Variants in GAREM1 observed in about 807,000 individuals in gnomAD.
The protein encoded by GAREM1 is GRB2-associated and regulator of MAPK protein 1.
A neutral mutation model predicts 71.3 loss-of-function variants in GAREM1; 26 were observed. That is an observed-to-expected ratio of 0.36 (90% CI 0.27 to 0.51). GAREM1 has a LOEUF of 0.51. Among genes scored for constraint, GAREM1 ranks in the 20% least tolerant of loss-of-function variants. The probability of loss-of-function intolerance (pLI) is 0.95; values close to 1 mark genes in which losing one functional copy is unlikely to be tolerated. For missense variants in GAREM1, 1,026 were observed against 1,103.1 expected (o/e 0.93, Z 0.99); for synonymous variants, 440 against 433.2 (o/e 1.02, Z -0.20).
chr18:32,335,936 G>T (rs987268478), intron 2 of GAREM1, among the ~76,000 whole-genome samples: 1 of 152,144 alleles, frequency 6.6e-6, no homozygotes, highest in Admixed American at 6.5e-5. Flanking sequence ...AGTGACCATG[G>T]GAGCAACGGA....
At chr18:32,302,547 G>A (rs141507314) in intron 3 of GAREM1, among the ~76,000 whole-genome samples, 3 of 152,252 alleles carry the variant, frequency 2.0e-5, no homozygotes, top group East Asian at 3.9e-4. Flanking sequence ...GAGGAAAATC[G>A]TGTTATCTGT....
intron 2 of GAREM1, among the ~76,000 whole-genome samples, chr18:32,337,039 T>C (rs925246236): frequency 2.6e-5 from 4 of 152,190 alleles, no homozygotes; most frequent in Non-Finnish European, 5.9e-5. Context: ...TTTTTGCTTA[T>C]TTTATAACAT....
At chr18:32,428,308 T>C (rs188410931) in intron 1 of GAREM1, among the ~76,000 whole-genome samples, 23 of 152,302 alleles carry the variant, frequency 1.5e-4, no homozygotes, top group Admixed American at 7.8e-4. Flanking sequence ...CCTTTAACCA[T>C]TGATAGGGTT....
intron 2 of GAREM1, among the ~76,000 whole-genome samples, chr18:32,334,645 G>GCATA (rs1384711084): frequency 6.6e-6 from 1 of 152,178 alleles, no homozygotes; most frequent in Non-Finnish European, 1.5e-5. Context: ...TCCTGACACG[G>GCATA]CATAACCTAT....
intron 2 of GAREM1, among the ~76,000 whole-genome samples, chr18:32,336,828 C>T (rs1248513993): frequency 6.6e-6 from 1 of 152,194 alleles, no homozygotes; most frequent in African/African-American, 2.4e-5. Context: ...CTTACCAGCC[C>T]TTCGGTAAAA....
chr18:32,466,207 G>C (rs1204567925), intron 1 of GAREM1, among the ~76,000 whole-genome samples: 1 of 151,744 alleles, frequency 6.6e-6, no homozygotes, highest in Admixed American at 6.6e-5. Flanking sequence ...ATGGCAGAGT[G>C]ATCAATAGAA....
intron 1 of GAREM1, among the ~76,000 whole-genome samples, chr18:32,404,236 T>G (rs951696555): frequency 6.6e-6 from 1 of 152,206 alleles, no homozygotes; most frequent in Non-Finnish European, 1.5e-5. Context: ...ATGTAACATC[T>G]GTCACAGCAA....
chr18:32,445,074 A>C (rs2048773969), intron 1 of GAREM1, among the ~76,000 whole-genome samples: 1 of 152,036 alleles, frequency 6.6e-6, no homozygotes, highest in Non-Finnish European at 1.5e-5. Context: ...GAGAGAAAAC[A>C]ACCAACTGGG....
At chr18:32,328,758 T>C (rs953153672) in intron 2 of GAREM1, among the ~76,000 whole-genome samples, 2 of 152,158 alleles carry the variant, frequency 1.3e-5, no homozygotes, top group Non-Finnish European at 2.9e-5. Context: ...TGATACCACT[T>C]AGGGGCAGGG....
intron 2 of GAREM1, among the ~76,000 whole-genome samples, chr18:32,370,752 A>G (rs1043790101): frequency 1.4e-4 from 22 of 152,220 alleles, no homozygotes; most frequent in Non-Finnish European, 3.2e-4. Context: ...CCTGCTGTTT[A>G]CAATTTTTAT....
chr18:32,276,713 T>C (rs899210645), intron 4 of GAREM1, among the ~76,000 whole-genome samples: 2 of 152,068 alleles, frequency 1.3e-5, no homozygotes, highest in African/African-American at 4.8e-5. Flanking sequence ...ACTGGTACCA[T>C]TCATCAGATA....
chr18:32,355,410 G>C (rs905032780), intron 2 of GAREM1, among the ~76,000 whole-genome samples: 7 of 150,970 alleles, frequency 4.6e-5, no homozygotes, highest in Non-Finnish European at 8.8e-5. Context: ...TTTTACACAT[G>C]ACTATTTTAT....
intron 2 of GAREM1, among the ~76,000 whole-genome samples, chr18:32,378,088 T>G (rs2048055454): frequency 1.4e-5 from 2 of 145,146 alleles, no homozygotes; most frequent in African/African-American, 5.3e-5. Flanking sequence ...AGGGCAGGGT[T>G]GAGGTGAAGT....
At chr18:32,355,338 A>G (rs1334674890) in intron 2 of GAREM1, among the ~76,000 whole-genome samples, 2 of 152,198 alleles carry the variant, frequency 1.3e-5, no homozygotes, top group African/African-American at 4.8e-5. Flanking sequence ...CTAGAACCCT[A>G]TCTATGGATA....
chr18:32,302,333 TAAC>T (rs1327541939), intron 3 of GAREM1, among the ~76,000 whole-genome samples: 7 of 152,206 alleles, frequency 4.6e-5, no homozygotes, highest in Non-Finnish European at 1.0e-4. Flanking sequence ...GTAATGATTA[TAAC>T]AACTCAAAGT....
chr18:32,310,372 GC>G (rs1567959202), intron 2 of GAREM1, 49 bp from the exon 3 acceptor site: 1 of 1,589,044 alleles, frequency 6.3e-7, no homozygotes, highest in East Asian at 2.3e-5. Flanking sequence ...ATGCTGGACT[GC>G]TGTTACCATG....
intron 1 of GAREM1, among the ~76,000 whole-genome samples, chr18:32,425,999 A>G (rs1266958944): frequency 6.6e-6 from 1 of 151,862 alleles, no homozygotes; most frequent in Non-Finnish European, 1.5e-5. Context: ...AATTTTCTCC[A>G]GTTTTAATTC....
Position 32,310,307 on chromosome 18 carries a change from C to T in GAREM1, c.279G>A (p.Leu93=), listed in dbSNP as rs2047305703. The T allele has an allele frequency of 6.2e-7, 1 of 1,614,076 alleles. No homozygotes were observed. Among genetic ancestry groups the T allele is most frequent in the Non-Finnish European group, 8.5e-7 (1 of 1,179,994 alleles). ...PVHYAGQFKL[L]EQDRDIKEPV... ...GCTCCTTTATATCTCGGTCTTGTTC[C>T]AGCAGCTTGAATTGCCCTAAAACAC... The change falls in exon 3 of 6, where the codon CTG becomes CTA. Residue 93 remains leucine (L), a synonymous_variant. Transcript: ENST00000269209.
intron 2 of GAREM1, among the ~76,000 whole-genome samples, chr18:32,373,633 C>T (rs990287850): frequency 2.0e-5 from 3 of 152,186 alleles, no homozygotes; most frequent in South Asian, 2.1e-4. Flanking sequence ...ATGCCAAAGG[C>T]GACAGCTGAC....
Sources: gnomAD v4.1 joint callset for allele counts (sites outside exome capture counted in the v4.1 genomes callset) on GRCh38, gnomAD v4.1.1 for gene constraint, MANE v1.5 for transcripts, NCBI Gene and HGNC (gene_info 2026-07-23, HGNC 2026-07-21) for gene names.